COMMD10: variants seen among roughly 807,000 people sequenced by gnomAD.
The protein encoded by COMMD10 is COMM domain containing 10.
Under a neutral mutation model 28.9 loss-of-function variants are expected in COMMD10, and 33 were observed. The ratio of observed to expected loss-of-function variants is 1.14; its 90% CI spans 0.87 to 1.53. The LOEUF (loss-of-function observed/expected upper bound fraction) is 1.53, where lower values mean the gene tolerates loss of function less well. Among genes scored for constraint, COMMD10 ranks in the 40% most tolerant of loss-of-function variants. The pLI is 0.00. For synonymous variants in COMMD10, 110 were observed against 81.7 expected (o/e 1.35, Z -1.87); for missense variants, 310 against 233.4 (o/e 1.33, Z -2.14).
At chr5:116,164,539 A>G (rs1486320969) in intron 5 of COMMD10, among the ~76,000 whole-genome samples, 1 of 152,198 alleles carries the variant, frequency 6.6e-6, no homozygotes, top group East Asian at 1.9e-4. Context: ...TAATGAAATA[A>G]AAATGTTAAG....
chr5:116,170,414 A>G (rs1022566404), intron 5 of COMMD10, among the ~76,000 whole-genome samples: 1 of 152,196 alleles, frequency 6.6e-6, no homozygotes, highest in Non-Finnish European at 1.5e-5. Context: ...TACTGCCCAA[A>G]GTAATTTGTA....
chr5:116,271,289 T>C (rs1246622165), intron 5 of COMMD10, among the ~76,000 whole-genome samples: 1 of 147,376 alleles, frequency 6.8e-6, no homozygotes, highest in Non-Finnish European at 1.5e-5. Flanking sequence ...TTTAAATTTT[T>C]ATATATTTAA....
Position 116,213,133 on chromosome 5 carries a change from T to A in COMMD10, c.511-78384T>A, listed in dbSNP as rs552807718. ...GCTAGAATACCATTATGATATAACT[T>A]GCCAAGGAGCCCTAGGGTATGAAAA... On this transcript the variant is annotated intron_variant, in intron 5 of 6. Transcript: ENST00000274458. 6.6e-5 allele frequency among the ~76,000 whole-genome samples: 10 copies of A among 152,250 alleles called. No homozygotes were observed. In the South Asian group the frequency reaches 1.9e-3, roughly 28 times the overall value.
chr5:116,265,249 C>CT (rs943890570), intron 5 of COMMD10, among the ~76,000 whole-genome samples: 2 of 151,468 alleles, frequency 1.3e-5, no homozygotes, highest in Non-Finnish European at 2.9e-5. Flanking sequence ...TGCATATTGA[C>CT]TTTTTTTTCA....
At chr5:116,133,187 A>T (rs772292521) in intron 4 of COMMD10, among the ~76,000 whole-genome samples, 1 of 152,164 alleles carries the variant, frequency 6.6e-6, no homozygotes, top group Non-Finnish European at 1.5e-5. Context: ...ATTGCATTTC[A>T]CAAAACTTCC....
At chr5:116,128,976 G>C (rs1313602968) in intron 4 of COMMD10, among the ~76,000 whole-genome samples, 1 of 151,780 alleles carries the variant, frequency 6.6e-6, no homozygotes. Flanking sequence ...GATCCCTTGG[G>C]TAAGGTGAGG....
At chr5:116,134,217 T>G (rs921958516) in intron 5 of COMMD10, 39 bp downstream of exon 5, 13 of 1,195,340 alleles carry the variant, frequency 1.1e-5, no homozygotes, top group African/African-American at 1.5e-5. Flanking sequence ...GTATTTTGTT[T>G]GTTAGGACTT....
At chr5:116,106,332 A>T (rs1464735447) in intron 4 of COMMD10, among the ~76,000 whole-genome samples, 1 of 152,138 alleles carries the variant, frequency 6.6e-6, no homozygotes, top group Non-Finnish European at 1.5e-5. Context: ...ATTTGATTGC[A>T]GTGTGGTCCG....
chr5:116,291,717 C>A, intron 6 of COMMD10, 141 bp downstream of exon 6: 1 of 502,376 alleles, frequency 2.0e-6, no homozygotes, highest in Non-Finnish European at 3.5e-6. Context: ...TTATGTTTCA[C>A]AGGAGGAAGT....
At chr5:116,233,291 A>G (rs1749574761) in intron 5 of COMMD10, among the ~76,000 whole-genome samples, 2 of 152,080 alleles carry the variant, frequency 1.3e-5, no homozygotes, top group South Asian at 4.1e-4. Context: ...GTTATTGTTA[A>G]TCTTTTACAG....
At chr5:116,188,995 G>A (rs1274386954) in intron 5 of COMMD10, among the ~76,000 whole-genome samples, 1 of 152,140 alleles carries the variant, frequency 6.6e-6, no homozygotes, top group East Asian at 1.9e-4. Flanking sequence ...AACAACATTT[G>A]CCACCTAATT....
chr5:116,268,558 C>G (rs1580599268), intron 5 of COMMD10, among the ~76,000 whole-genome samples: 1 of 151,862 alleles, frequency 6.6e-6, no homozygotes, highest in South Asian at 2.1e-4. Context: ...CCTCAAGGAT[C>G]TAGAACTAGA....
At chr5:116,151,449 C>G (rs570333664) in intron 5 of COMMD10, among the ~76,000 whole-genome samples, 1 of 151,430 alleles carries the variant, frequency 6.6e-6, no homozygotes, top group Admixed American at 6.6e-5. Context: ...AGTTCCTCCT[C>G]GTACCTCTGG....
rs182090240 is a variant in COMMD10 at position 116,168,277 on chromosome 5, G to A, written c.510+34099G>A. 1.6e-3 allele frequency among the ~76,000 whole-genome samples: 247 copies of A among 151,834 alleles called. 2 individuals are homozygous for A. Among genetic ancestry groups the A allele is most frequent in the African/African-American group, 5.6e-3 (230 of 41,374 alleles). On this transcript the variant is annotated intron_variant, in intron 5 of 6. Transcript: ENST00000274458. The stretch of plus-strand genomic sequence containing the variant: ...AATGATAAAGGGATCAGTGCAACAA[G>A]AAGAGCTAACTTTCTTAAATATATA...
chr5:116,254,803 G>GTAAAAGA (rs1750233590), intron 5 of COMMD10, among the ~76,000 whole-genome samples: 1 of 151,654 alleles, frequency 6.6e-6, no homozygotes, highest in African/African-American at 2.4e-5. Flanking sequence ...TTCTGTAGAT[G>GTAAAAGA]TCTATTAGGT....
intron 5 of COMMD10, among the ~76,000 whole-genome samples, chr5:116,253,703 A>G: frequency 1.3e-5 from 2 of 148,550 alleles, no homozygotes; most frequent in African/African-American, 5.1e-5. Flanking sequence ...GTTTGCCAGT[A>G]TTTTATTGAG....
chr5:116,272,676 G>T (rs1179918629), intron 5 of COMMD10, among the ~76,000 whole-genome samples: 1 of 151,730 alleles, frequency 6.6e-6, no homozygotes, highest in African/African-American at 2.4e-5. Context: ...AAATGCTTCG[G>T]AATCTTTATC....
chr5:116,217,248 T>G (rs712561), intron 5 of COMMD10, among the ~76,000 whole-genome samples: 74,072 of 151,236 alleles, frequency 0.49, 21,486 homozygotes, highest in Non-Finnish European at 0.65. Flanking sequence ...ATACTTTCCA[T>G]AAACAGTCGT....
intron 5 of COMMD10, among the ~76,000 whole-genome samples, chr5:116,223,751 G>A (rs753920773): frequency 1.6e-4 from 25 of 152,164 alleles, no homozygotes; most frequent in Non-Finnish European, 3.1e-4. Context: ...TACCCTGAAA[G>A]AAGTTCATGA....
Sources: allele counts gnomAD v4.1 joint callset (sites outside exome capture counted in the v4.1 genomes callset), GRCh38; gene constraint gnomAD v4.1.1; transcripts MANE v1.5; gene names NCBI Gene and HGNC (gene_info 2026-07-23, HGNC 2026-07-21).